The following CHD1 variants were observed in gnomAD, a reference collection of about 807,000 sequenced individuals.
The protein encoded by CHD1 is ATP-dependent chromatin remodeler CHD1.
In CHD1, 36 loss-of-function variants were observed where a neutral mutation model predicts 224.2. The ratio of observed to expected loss-of-function variants is 0.16; its 90% confidence interval spans 0.12 to 0.21. The LOEUF (loss-of-function observed/expected upper bound fraction) is 0.21. CHD1 is among the 10% of genes least tolerant of loss of function. The pLI, the probability that CHD1 is intolerant of heterozygous loss-of-function variation, is 1.00. For synonymous variants in CHD1, 668 were observed against 658.3 expected (o/e 1.01, Z -0.23); for missense variants, 1,378 against 1,994.8 (o/e 0.69, Z 5.89).
intron 2 of CHD1, among the ~76,000 whole-genome samples, chr5:98,911,521 T>G (rs1202105510): frequency 6.6e-6 from 1 of 152,192 alleles, no homozygotes; most frequent in Non-Finnish European, 1.5e-5. Context: ...TCAAAGTGTC[T>G]TCTCACAAAT....
rs1751687375 is a variant in CHD1 at position 98,901,240 on chromosome 5, G to A, written c.533C>T (p.Thr178Ile). The change falls in exon 6 of 36, where the codon ACA becomes ATA. Residue 178 changes from threonine (T) to isoleucine (I), a missense_variant. Thr to Ile is a moderately conservative substitution (Grantham distance 89, BLOSUM62 -1). Around this residue, in one of 16 missense-constraint regions of CHD1, gnomAD observed 306 missense variants for 298.1 expected, o/e 1.03. Transcript: ENST00000614616. ...EEREKSSCDE[T>I]ESDYEPKNKV... is the part of the protein sequence containing the mutation. Reference sequence around the variant, plus strand: ...GTTTTTTGGCTCATAATCAGATTCTGTTTCATCACAACTGCTTTTCTCTCT... The same window carrying A: ...GTTTTTTGGCTCATAATCAGATTCTATTTCATCACAACTGCTTTTCTCTCT... 6.2e-7 allele frequency: 1 copy of A among 1,613,874 alleles called. No individual in the cohort carries two copies. Among genetic ancestry groups the A allele is most frequent in the Non-Finnish European group, 8.5e-7 (1 of 1,179,920 alleles).
At chr5:98,899,333 A>T in intron 8 of CHD1, 147 bp downstream of exon 8, 1 of 587,474 alleles carries the variant, frequency 1.7e-6, no homozygotes. Flanking sequence ...AAGGATAGAG[A>T]AGCTGTGGAC....
intron 30 of CHD1, 53 bp downstream of exon 30, chr5:98,869,701 A>G: frequency 6.3e-7 from 1 of 1,581,266 alleles, no homozygotes; most frequent in Non-Finnish European, 8.7e-7. Context: ...ACACAAAAAC[A>G]TGCCATATTC....
intron 12 of CHD1, among the ~76,000 whole-genome samples, chr5:98,895,490 G>A (rs941633252): frequency 3.3e-5 from 5 of 152,048 alleles, no homozygotes; most frequent in African/African-American, 7.2e-5. Context: ...GGTGGCTCAC[G>A]CCTGTAAATC....
At chr5:98,881,893 A>C in intron 20 of CHD1, 82 bp downstream of exon 20, 1 of 1,181,448 alleles carries the variant, frequency 8.5e-7, no homozygotes, top group Non-Finnish European at 1.2e-6. Context: ...ACATTTCCTC[A>C]ATGATCTACA....
intron 17 of CHD1, chr5:98,886,358 CA>C (rs1416534319): frequency 6.6e-6 from 1 of 152,198 alleles, no homozygotes; most frequent in Non-Finnish European, 1.5e-5. Flanking sequence ...ACAAAACAGA[CA>C]TAATAGTAGT....
intron 10 of CHD1, 149 bp downstream of exon 10, chr5:98,898,107 A>T (rs955753383): frequency 2.6e-6 from 1 of 390,248 alleles, no homozygotes; most frequent in Non-Finnish European, 4.4e-6. Context: ...CAGCAATTGC[A>T]GAAGTTCACT....
In CHD1 at chr5:98,893,499, A is replaced by G. The variant is rs1264068749; in HGVS notation, c.1908T>C (p.Asn636=). ...GAGTTCCAGTGATAAGGAGACGATG[A>G]TTGGATTTAAAATCTATTAAAGTTT... is the stretch of plus-strand genomic sequence containing the variant. ...LYKTLIDFKS[N]HRLLITGTPL... is the part of the protein sequence containing the mutation. The change falls in exon 14 of 36, where the codon AAT becomes AAC. Residue 636 remains asparagine (N), a synonymous_variant. Coordinates refer to ENST00000614616, the MANE Select transcript of CHD1 (RefSeq NM_001270.4). 2 of 1,611,978 alleles carry G rather than the reference A, an allele frequency of 1.2e-6. No individual in the cohort carries two copies. Among genetic ancestry groups the G allele is most frequent in the African/African-American group, 2.7e-5 (2 of 74,856 alleles).
At chr5:98,892,208 T>C (rs1285382987) in intron 15 of CHD1, among the ~76,000 whole-genome samples, 1 of 152,200 alleles carries the variant, frequency 6.6e-6, no homozygotes, top group Non-Finnish European at 1.5e-5. Context: ...CTGTTAATTG[T>C]CATAATCATA....
At chr5:98,859,890 A>G in intron 33 of CHD1, 82 bp downstream of exon 33, 1 of 686,538 alleles carries the variant, frequency 1.5e-6, no homozygotes, top group Non-Finnish European at 2.5e-6. Context: ...TTCTGTATTT[A>G]TTAATCAAAC....
chr5:98,914,124 A>C (rs1752596774), intron 2 of CHD1, among the ~76,000 whole-genome samples: 2 of 152,262 alleles, frequency 1.3e-5, no homozygotes, highest in South Asian at 4.1e-4. Flanking sequence ...GGCCAATGAG[A>C]TACAACTAGA....
intron 12 of CHD1, among the ~76,000 whole-genome samples, chr5:98,895,075 C>T (rs966362532): frequency 6.6e-6 from 1 of 152,124 alleles, no homozygotes; most frequent in Non-Finnish European, 1.5e-5. Flanking sequence ...CCTACCTTGG[C>T]CTCCCAAAGC....
intron 7 of CHD1, 90 bp downstream of exon 7, chr5:98,900,721 G>A: frequency 8.7e-7 from 1 of 1,145,790 alleles, no homozygotes; most frequent in African/African-American, 1.6e-5. Flanking sequence ...CAAAGTACTG[G>A]GATTACAGGG....
At chr5:98,857,349 T>G (rs1434853203) in intron 35 of CHD1, among the ~76,000 whole-genome samples, 4 of 151,972 alleles carry the variant, frequency 2.6e-5, no homozygotes, top group Non-Finnish European at 5.9e-5. Flanking sequence ...CACACACAAC[T>G]GTAACTATAT....
intron 18 of CHD1, 31 bp from the exon 19 acceptor site, chr5:98,883,268 A>C (rs1247090833): frequency 2.7e-6 from 4 of 1,497,084 alleles, no homozygotes; most frequent in Non-Finnish European, 3.6e-6. Flanking sequence ...AAAATGAAAA[A>C]TTTTTCAATT....
intron 2 of CHD1, among the ~76,000 whole-genome samples, chr5:98,905,360 A>T (rs1024975890): frequency 6.6e-6 from 1 of 152,242 alleles, no homozygotes; most frequent in Non-Finnish European, 1.5e-5. Flanking sequence ...AAACATAAGC[A>T]ATAAGATTGT....
intron 14 of CHD1, among the ~76,000 whole-genome samples, chr5:98,893,214 T>C (rs1300070296): frequency 6.6e-6 from 1 of 152,198 alleles, no homozygotes; most frequent in South Asian, 2.1e-4. Context: ...TTATTACACA[T>C]GGCTTAAGTT....
chr5:98,874,363 TAC>T (rs1391139667), intron 25 of CHD1, among the ~76,000 whole-genome samples: 1 of 151,990 alleles, frequency 6.6e-6, no homozygotes, highest in Admixed American at 6.6e-5. Flanking sequence ...TGAATTTTAA[TAC>T]AGTTTGTATA....
rs139215644 is a variant in CHD1 at position 98,869,828 on chromosome 5, T to C, written c.4033A>G (p.Ile1345Val). The change falls in exon 30 of 36, where the codon ATA (isoleucine) becomes GTA (valine). Residue 1345 changes from isoleucine to valine, a missense_variant. By Grantham distance (29) the Ile-to-Val change is conservative (BLOSUM62 3). Transcript: ENST00000614616. ...CTCTTTATTTCCTCTTTCACTTTTA[T>C]AGACTTCATTGCTTTATTCTTCTTA... ...RAKKNKAMKS[I>V]KVKEEIKSDS... The C allele has an allele frequency of 1.8e-3, 2,831 of 1,610,332 alleles. 20 individuals are homozygous for C. Among genetic ancestry groups the C allele is most frequent in the South Asian group, 0.011 (976 of 90,950 alleles).
Sources: allele counts gnomAD v4.1 joint callset (sites outside exome capture counted in the v4.1 genomes callset), GRCh38; gene constraint gnomAD v4.1.1; regional missense constraint gnomAD v4.1.1; transcripts MANE v1.5; gene names NCBI Gene and HGNC (gene_info 2026-07-23, HGNC 2026-07-21).